Variants in NRG3 observed in about 807,000 individuals in gnomAD.
NRG3 encodes pro-neuregulin-3, membrane-bound isoform.
Under a neutral mutation model 66.9 loss-of-function variants are expected in NRG3, and 31 were observed. That is an observed-to-expected ratio of 0.46 (90% confidence interval 0.35 to 0.63). The LOEUF (loss-of-function observed/expected upper bound fraction) is 0.63. Ranked by LOEUF, NRG3 falls within the 20% of genes least tolerant of loss-of-function variation. The probability of loss-of-function intolerance (pLI) is 0.00; values close to 1 mark genes in which losing one functional copy is unlikely to be tolerated. For missense variants in NRG3, 910 were observed against 878.9 expected (o/e 1.04, Z -0.45); for synonymous variants, 393 against 359.4 (o/e 1.09, Z -1.06).
At chr10:82,647,137 A>G (rs534395495) in intron 2 of NRG3, among the ~76,000 whole-genome samples, 219 of 151,884 alleles carry the variant, frequency 1.4e-3, no homozygotes, top group Non-Finnish European at 1.2e-3. Context: ...TATATCTCCT[A>G]ATGCTATCCC....
intron 2 of NRG3, among the ~76,000 whole-genome samples, chr10:82,614,764 C>T (rs1341249887): frequency 6.6e-6 from 1 of 152,128 alleles, no homozygotes; most frequent in Non-Finnish European, 1.5e-5. Context: ...CCATTCTTCA[C>T]AAACTGTCAT....
chr10:81,915,937 T>C (rs928518814), intron 1 of NRG3, among the ~76,000 whole-genome samples: 2 of 152,040 alleles, frequency 1.3e-5, no homozygotes, highest in Admixed American at 1.3e-4. Context: ...AGAAATATAA[T>C]ATAAGCCCCA....
At chr10:82,016,126 T>C (rs2061776862) in intron 1 of NRG3, among the ~76,000 whole-genome samples, 1 of 151,812 alleles carries the variant, frequency 6.6e-6, no homozygotes, top group African/African-American at 2.4e-5. Flanking sequence ...ATTGACTCAG[T>C]GTATAAAATA....
chr10:82,124,799 A>G lies in NRG3; in HGVS notation c.824-233940A>G, dbSNP rs562486465. Among the ~76,000 whole-genome samples, 11 of 152,098 alleles carry G rather than the reference A, an allele frequency of 7.2e-5. No homozygotes were observed. The South Asian group carries it at 2.3e-3, about 32-fold the overall frequency. The stretch of plus-strand genomic sequence containing the variant: ...TTTCTAAGGAAAAAAATACCACAGT[A>G]TAATCTGTTGCTTTCTTTCAGCCTT... On this transcript the variant is annotated intron_variant, in intron 1 of 8. Transcript: ENST00000372141.
chr10:82,942,772 C>G (rs1299357200), intron 4 of NRG3, among the ~76,000 whole-genome samples: 2 of 152,144 alleles, frequency 1.3e-5, no homozygotes, highest in Non-Finnish European at 2.9e-5. Flanking sequence ...TCCTCTTATC[C>G]ATTGTCTTTA....
intron 2 of NRG3, among the ~76,000 whole-genome samples, chr10:82,536,962 G>C (rs1282207226): frequency 6.6e-6 from 1 of 151,754 alleles, no homozygotes; most frequent in Non-Finnish European, 1.5e-5. Flanking sequence ...GACCAAAAAA[G>C]ATAAGTTGAC....
chr10:82,713,812 C>A (rs1030191372), intron 2 of NRG3, among the ~76,000 whole-genome samples: 5 of 152,132 alleles, frequency 3.3e-5, no homozygotes, highest in African/African-American at 1.2e-4. Context: ...ATTATGGAAA[C>A]CTATATGACC....
chr10:81,987,985 C>A (rs1422899867), intron 1 of NRG3, among the ~76,000 whole-genome samples: 2 of 152,116 alleles, frequency 1.3e-5, no homozygotes, highest in African/African-American at 4.8e-5. Context: ...ATACAAGATT[C>A]ACTTTTTGGT....
chr10:82,009,855 T>C (rs371605893), intron 1 of NRG3, among the ~76,000 whole-genome samples: 2 of 152,198 alleles, frequency 1.3e-5, no homozygotes, highest in Non-Finnish European at 2.9e-5. Flanking sequence ...TCAGTCAGTA[T>C]AGAGGGCCAG....
At chr10:82,725,234 TG>T (rs1295400889) in intron 2 of NRG3, among the ~76,000 whole-genome samples, 2 of 152,214 alleles carry the variant, frequency 1.3e-5, no homozygotes, top group African/African-American at 4.8e-5. Context: ...GCCAGCATGC[TG>T]GTATGGTTTG....
At chr10:82,306,762 C>T (rs1485569834) in intron 1 of NRG3, among the ~76,000 whole-genome samples, 1 of 142,014 alleles carries the variant, frequency 7.0e-6, no homozygotes, top group African/African-American at 2.6e-5. Context: ...TCCATGGACA[C>T]ATTCCATCCT....
At position 82,204,359 on chromosome 10, in the gene NRG3, G is replaced by T. The variant is rs573386613; in HGVS notation, c.824-154380G>T. ...GACTCTCTCCCATTCTTCACCTAGGGGTGTTCCTGGAGGCTGCCCTGATTA... is the reference window on the plus strand; with the variant it reads ...GACTCTCTCCCATTCTTCACCTAGGTGTGTTCCTGGAGGCTGCCCTGATTA... On this transcript the variant is annotated intron_variant, in intron 1 of 8. Transcript: ENST00000372141. 2.6e-5 allele frequency among the ~76,000 whole-genome samples: 4 copies of T among 152,216 alleles called. No homozygotes were observed. The South Asian group carries it at 8.3e-4, about 32-fold the overall frequency.
chr10:81,923,465 A>G (rs1413766964), intron 1 of NRG3, among the ~76,000 whole-genome samples: 1 of 151,842 alleles, frequency 6.6e-6, no homozygotes, highest in East Asian at 1.9e-4. Flanking sequence ...TCGGCCTCCC[A>G]ACGTGCTGGG....
chr10:82,309,540 A>G (rs1184953034), intron 1 of NRG3, among the ~76,000 whole-genome samples: 2 of 152,060 alleles, frequency 1.3e-5, no homozygotes, highest in Non-Finnish European at 2.9e-5. Context: ...GATGGTCTGT[A>G]GGGTCTAAAT....
intron 1 of NRG3, among the ~76,000 whole-genome samples, chr10:82,336,046 T>C (rs563983013): frequency 6.1e-4 from 93 of 152,316 alleles, no homozygotes; most frequent in African/African-American, 2.0e-3. Context: ...AGCTCAGCAC[T>C]GTTTCAGCAA....
intron 1 of NRG3, among the ~76,000 whole-genome samples, chr10:82,331,453 C>T (rs945276711): frequency 4.6e-5 from 7 of 152,162 alleles, no homozygotes; most frequent in Admixed American, 3.9e-4. Context: ...CTAAACTGTG[C>T]TTCTGTGGAA....
At chr10:82,907,510 A>G (rs1394877940) in intron 4 of NRG3, among the ~76,000 whole-genome samples, 1 of 152,150 alleles carries the variant, frequency 6.6e-6, no homozygotes, top group Non-Finnish European at 1.5e-5. Context: ...TCTGGAGGCT[A>G]TTAAGAAGCA....
chr10:82,792,980 TTTTG>T (rs1174972298), intron 3 of NRG3, among the ~76,000 whole-genome samples: 5 of 152,006 alleles, frequency 3.3e-5, no homozygotes, highest in East Asian at 1.9e-4. Flanking sequence ...CACAGAGGTT[TTTTG>T]TTTGTTTGTT....
chr10:82,332,251 A>T (rs2082172248), intron 1 of NRG3, among the ~76,000 whole-genome samples: 1 of 152,172 alleles, frequency 6.6e-6, no homozygotes, highest in South Asian at 2.1e-4. Flanking sequence ...TTTGACTAAG[A>T]CACTGTGTCA....
Sources: allele counts gnomAD v4.1 joint callset (sites outside exome capture counted in the v4.1 genomes callset), GRCh38; gene constraint gnomAD v4.1.1; transcripts MANE v1.5; gene names NCBI Gene and HGNC (gene_info 2026-07-23, HGNC 2026-07-21).